RBM26: variants seen among roughly 807,000 people sequenced by gnomAD.
RBM26 encodes the protein RNA-binding protein 26.
In RBM26, 30 loss-of-function variants were observed where a neutral mutation model predicts 123.6. That is an observed-to-expected ratio of 0.24 (90% CI 0.18 to 0.33). The LOEUF is 0.33. Among genes scored for constraint, RBM26 ranks in the 10% least tolerant of loss-of-function variants. The probability of loss-of-function intolerance (pLI) is 1.00; values close to 1 mark genes in which losing one functional copy is unlikely to be tolerated. For missense variants in RBM26, 947 were observed against 1,203.6 expected, an observed-to-expected ratio of 0.79 and a Z score of 3.15; for synonymous variants, 400 against 404.4, an observed-to-expected ratio of 0.99 and a Z score of 0.13.
At chr13:79,314,570 T>G (rs1284804584), downstream of RBM26, 1 of 152,136 alleles carries the variant, frequency 6.6e-6, no homozygotes, top group Non-Finnish European at 1.5e-5. Context: ...AAAACCAAAC[T>G]CATGTTTAAC....
intron 1 of RBM26, among the ~76,000 whole-genome samples, chr13:79,381,565 T>C (rs1229274679): frequency 6.6e-6 from 1 of 152,054 alleles, no homozygotes; most frequent in Non-Finnish European, 1.5e-5. Flanking sequence ...TTCCAGTAAC[T>C]TACCTGTCAT....
intron 5 of RBM26, among the ~76,000 whole-genome samples, chr13:79,369,613 T>C (rs909417193): frequency 6.6e-6 from 1 of 152,130 alleles, no homozygotes; most frequent in African/African-American, 2.4e-5. Flanking sequence ...ATAAATAGTA[T>C]TAAGAGTAGC....
intron 1 of RBM26, among the ~76,000 whole-genome samples, chr13:79,383,616 A>C (rs2077241618): frequency 6.6e-6 from 1 of 151,542 alleles, no homozygotes; most frequent in Non-Finnish European, 1.5e-5. Context: ...ACTGTTCTAG[A>C]TCCTGAAAAT....
intron 3 of RBM26, among the ~76,000 whole-genome samples, chr13:79,375,724 T>C (rs1173953052): frequency 2.0e-5 from 3 of 152,086 alleles, no homozygotes; most frequent in South Asian, 2.1e-4. Flanking sequence ...TATGAAAATA[T>C]ACAAATATAC....
intron 19 of RBM26, among the ~76,000 whole-genome samples, chr13:79,335,094 C>G (rs1374785090): frequency 6.6e-6 from 1 of 151,966 alleles, no homozygotes; most frequent in Non-Finnish European, 1.5e-5. Context: ...ACCTTTATCC[C>G]ACAAAATTCT....
intron 1 of RBM26, among the ~76,000 whole-genome samples, chr13:79,391,124 T>C (rs1305669744): frequency 6.6e-6 from 1 of 152,192 alleles, no homozygotes; most frequent in Non-Finnish European, 1.5e-5. Flanking sequence ...ATAAAGGACA[T>C]GGATGATACT....
At chr13:79,339,707 T>A (rs1278755472) in intron 18 of RBM26, among the ~76,000 whole-genome samples, 1 of 152,090 alleles carries the variant, frequency 6.6e-6, no homozygotes, top group Non-Finnish European at 1.5e-5. Context: ...CACTGAATAC[T>A]TAATATGTAT....
At chr13:79,314,204 A>G (rs879578676), downstream of RBM26, 7 of 151,780 alleles carry the variant, frequency 4.6e-5, no homozygotes, top group Admixed American at 2.6e-4. Flanking sequence ...ACTAGTCTTT[A>G]CCAATGTTAG....
intron 3 of RBM26, 102 bp from the exon 4 acceptor site, chr13:79,372,032 G>A: frequency 2.6e-6 from 2 of 766,854 alleles, no homozygotes; most frequent in East Asian, 5.5e-5. Flanking sequence ...TGTAATGCCA[G>A]CACTTTGGGA....
At chr13:79,321,551 C>T (rs1183410055) in intron 21 of RBM26, among the ~76,000 whole-genome samples, 2 of 151,228 alleles carry the variant, frequency 1.3e-5, no homozygotes, top group African/African-American at 4.8e-5. Context: ...TTTCAAAGGC[C>T]TCTAACACTT....
intron 1 of RBM26, among the ~76,000 whole-genome samples, chr13:79,384,205 A>T (rs2077291878): frequency 6.6e-6 from 1 of 152,066 alleles, no homozygotes; most frequent in Admixed American, 6.6e-5. Context: ...AAACTTTGTC[A>T]ATTCCTGAAT....
Position 79,366,638 on chromosome 13 carries a change from A to T in RBM26, c.1130T>A (p.Val377Asp). The change falls in exon 7 of 22, where the codon GTT becomes GAT. Residue 377 changes from valine to aspartate, a missense_variant. Physicochemically the swap from Val to Asp is radical, Grantham distance 152 (BLOSUM62 -3). Transcript: ENST00000438737. The part of the protein sequence containing the change: ...PGPLPPSLPP[V>D]TGPPPPLPPL... ...AAACAAACAGATTTACTTACCTGTA[A>T]CAGGTGGGAGACTGGGTGGCAATGG... 1 of 1,550,626 alleles carries T rather than the reference A, an allele frequency of 6.4e-7. No homozygotes were observed. Among genetic ancestry groups the T allele is most frequent in the Non-Finnish European group, 8.7e-7 (1 of 1,147,872 alleles).
In RBM26 at chr13:79,366,190, G is replaced by A; in HGVS notation, c.1141C>T (p.Pro381Ser). The change falls in exon 8 of 22, where the codon CCA becomes TCA. Residue 381 changes from proline (P) to serine (S), a missense_variant. Around this residue, in one of 5 missense-constraint regions of RBM26, gnomAD observed 493 missense variants for 563.1 expected, o/e 0.88. Coordinates refer to ENST00000438737, the MANE Select transcript of RBM26 (RefSeq NM_001366735.2). Reference protein sequence around the residue: ...PPSLPPVTGPPPPLPPLQPSG... With the variant: ...PPSLPPVTGPSPPLPPLQPSG... ...GGCTGCAAAGGAGGAAGTGGAGGTG[G>A]TGGTCCTGTCAAAACCAAAGAATAA... 6.2e-7 allele frequency: 1 copy of A among 1,611,450 alleles called. No homozygotes were observed. Among genetic ancestry groups the A allele is most frequent in the Non-Finnish European group, 8.5e-7 (1 of 1,179,178 alleles).
chr13:79,380,139 A>C (rs568220298), intron 1 of RBM26, among the ~76,000 whole-genome samples: 130 of 152,322 alleles, frequency 8.5e-4, no homozygotes, highest in Admixed American at 1.2e-3. Context: ...TCAAAATGAC[A>C]TGTGTACAAG....
chr13:79,342,900 C>A, intron 16 of RBM26, 69 bp from the exon 17 acceptor site: 2 of 946,756 alleles, frequency 2.1e-6, no homozygotes, highest in East Asian at 2.6e-5. Flanking sequence ...ACAAACACTG[C>A]AAAGTAATTT....
At chr13:79,339,253 G>T (rs1030196827) in intron 18 of RBM26, among the ~76,000 whole-genome samples, 1 of 152,160 alleles carries the variant, frequency 6.6e-6, no homozygotes, top group South Asian at 2.1e-4. Context: ...GTTACCAGGG[G>T]CTGTGGGGAC....
At chr13:79,360,268 G>A (rs1368057775) in intron 9 of RBM26, among the ~76,000 whole-genome samples, 1 of 152,142 alleles carries the variant, frequency 6.6e-6, no homozygotes, top group Non-Finnish European at 1.5e-5. Flanking sequence ...TTTTACACAC[G>A]AGGAGTCTTG....
At chr13:79,373,477 TACAA>T (rs2076293655) in intron 3 of RBM26, among the ~76,000 whole-genome samples, 3 of 67,210 alleles carry the variant, frequency 4.5e-5, no homozygotes, top group Non-Finnish European at 7.8e-5. Flanking sequence ...TGTATAAATA[TACAA>T]ATATATATAA....
chr13:79,358,313 A>G lies in RBM26; in HGVS notation c.1650T>C (p.Asn550=). The change falls in exon 11 of 22, where the codon AAT becomes AAC. Residue 550 remains asparagine (N), a synonymous_variant. Transcript: ENST00000438737. ...PPELNNISKL[N]EHFSRFGTLV... is the part of the protein sequence containing the mutation. ...AGGTTCCAAATCGACTAAAATGTTCATTAAGTTTGCTGATATTATTTAATT... is the reference window on the plus strand; with the variant it reads ...AGGTTCCAAATCGACTAAAATGTTCGTTAAGTTTGCTGATATTATTTAATT... 1 of 1,610,290 alleles carries G rather than the reference A, an allele frequency of 6.2e-7. No individual in the cohort carries two copies. Among genetic ancestry groups the G allele is most frequent in the Non-Finnish European group, 8.5e-7 (1 of 1,178,876 alleles).
Sources: gnomAD v4.1 joint callset for allele counts (sites outside exome capture counted in the v4.1 genomes callset) on GRCh38, gnomAD v4.1.1 for gene constraint, gnomAD v4.1.1 regional missense constraint, MANE v1.5 for transcripts, NCBI Gene and HGNC (gene_info 2026-07-23, HGNC 2026-07-21) for gene names.